PDE1A: variants seen among roughly 807,000 people sequenced by gnomAD.
PDE1A encodes dual specificity calcium/calmodulin-dependent 3',5'-cyclic nucleotide phosphodiesterase 1A.
A neutral mutation model predicts 61.7 loss-of-function variants in PDE1A; 35 were observed. The ratio of observed to expected loss-of-function variants is 0.57; its 90% CI spans 0.43 to 0.75. The LOEUF (loss-of-function observed/expected upper bound fraction) is 0.75, where lower values mean the gene tolerates loss of function less well. Among genes scored for constraint, PDE1A ranks in the 30% least tolerant of loss-of-function variants. The pLI is 0.00. For synonymous variants in PDE1A, 232 were observed against 213.2 expected (o/e 1.09, Z -0.77); for missense variants, 597 against 630.6 (o/e 0.95, Z 0.57).
intron 2 of PDE1A, among the ~76,000 whole-genome samples, chr2:182,514,873 C>T (rs1293293185): frequency 6.6e-6 from 1 of 152,036 alleles, no homozygotes; most frequent in Non-Finnish European, 1.5e-5. Context: ...TCAACAGAAT[C>T]AACAGAAAGT....
chr2:182,210,052 C>T (rs1687454922), intron 7 of PDE1A, among the ~76,000 whole-genome samples: 1 of 152,176 alleles, frequency 6.6e-6, no homozygotes, highest in Admixed American at 6.5e-5. Flanking sequence ...TACTGAAGGA[C>T]ATCTTGCTGG....
rs1256195819 is a variant in PDE1A at position 182,444,966 on chromosome 2, T to C, written c.101+77310A>G. 2.0e-5 allele frequency among the ~76,000 whole-genome samples: 3 copies of C among 152,134 alleles called. 1 individual carries two copies. Among genetic ancestry groups the C allele is most frequent in the South Asian group, 4.1e-4 (2 of 4,834 alleles). On this transcript the variant is annotated intron_variant, in intron 2 of 14. Coordinates refer to the PDE1A transcript ENST00000410103. ...TGAGATACACAAGTTAAACTTGGCATACTTTGGATCTGGGCCAAAAATTGT... is the reference window on the plus strand; with the variant it reads ...TGAGATACACAAGTTAAACTTGGCACACTTTGGATCTGGGCCAAAAATTGT...
intron 2 of PDE1A, among the ~76,000 whole-genome samples, chr2:182,247,393 G>C (rs1691053603): frequency 6.6e-6 from 1 of 152,140 alleles, no homozygotes; most frequent in Non-Finnish European, 1.5e-5. Flanking sequence ...AGTGTTCACA[G>C]GTTCATTAAG....
At chr2:182,340,412 G>T (rs753793256) in intron 1 of PDE1A, among the ~76,000 whole-genome samples, 5 of 152,134 alleles carry the variant, frequency 3.3e-5, no homozygotes, top group Non-Finnish European at 5.9e-5. Context: ...GCTATTTTGG[G>T]TTCCGACACC....
chr2:182,455,219 A>C (rs1046668522), intron 2 of PDE1A, among the ~76,000 whole-genome samples: 5 of 152,198 alleles, frequency 3.3e-5, no homozygotes, highest in South Asian at 2.1e-4. Flanking sequence ...ACCATCTCAC[A>C]CCAGTTAGAA....
intron 13 of PDE1A, among the ~76,000 whole-genome samples, chr2:182,168,775 G>T (rs962726123): frequency 3.9e-5 from 6 of 152,024 alleles, no homozygotes; most frequent in African/African-American, 1.4e-4. Context: ...ATAAAATCAT[G>T]TTTCCTTTTC....
At chr2:182,313,871 T>C (rs1696159081) in intron 1 of PDE1A, among the ~76,000 whole-genome samples, 1 of 152,168 alleles carries the variant, frequency 6.6e-6, no homozygotes, top group African/African-American at 2.4e-5. Flanking sequence ...GGGTAACTCA[T>C]TTAAAAAGAC....
Position 182,403,328 on chromosome 2 carries a change from G to A in PDE1A, c.53+23250C>T, listed in dbSNP as rs554756868. Among the ~76,000 whole-genome samples, 6 of 152,120 alleles carry A rather than the reference G, an allele frequency of 3.9e-5. No homozygotes were observed. The East Asian group carries it at 9.7e-4, about 25-fold the overall frequency. ...AAAATGTGGCACATAGGCCAGGCGC[G>A]GTGGCTCAAGCCTGTAATCCCAGCA... On this transcript the variant is annotated intron_variant, in intron 1 of 13. Coordinates refer to ENST00000351439, the Ensembl canonical transcript of PDE1A.
the PDE1A span, among the ~76,000 whole-genome samples, chr2:182,580,059 T>C: frequency 2.6e-5 from 4 of 152,256 alleles, no homozygotes; most frequent in African/African-American, 9.6e-5. Context: ...ACTCCTTTGA[T>C]AACTAAAATA....
chr2:182,164,308 A>G (rs905835274), downstream of PDE1A, among the ~76,000 whole-genome samples: 12 of 152,080 alleles, frequency 7.9e-5, no homozygotes, highest in Admixed American at 4.6e-4. Flanking sequence ...GGAGTTCCCT[A>G]CAATCAGTTG....
the PDE1A span, among the ~76,000 whole-genome samples, chr2:182,672,150 T>G: frequency 4.6e-5 from 7 of 152,230 alleles, no homozygotes; most frequent in African/African-American, 1.7e-4. Flanking sequence ...GAGGATGTAG[T>G]AGGTATTTTT....
the PDE1A span, among the ~76,000 whole-genome samples, chr2:182,683,009 C>G: frequency 4.6e-5 from 7 of 151,558 alleles, no homozygotes; most frequent in African/African-American, 1.7e-4. Context: ...TAAGAAAATG[C>G]AAATTTAGTG....
the PDE1A span, among the ~76,000 whole-genome samples, chr2:182,613,386 C>A: frequency 6.6e-6 from 1 of 151,980 alleles, no homozygotes; most frequent in Non-Finnish European, 1.5e-5. Flanking sequence ...CACGGTGAAA[C>A]CCCATCTCTA....
At chr2:182,636,104 C>T in the PDE1A span, among the ~76,000 whole-genome samples, 4 of 151,668 alleles carry the variant, frequency 2.6e-5, no homozygotes, top group South Asian at 2.1e-4. Flanking sequence ...TACAGGTGCC[C>T]GCCACCGTGC....
At chr2:182,561,697 G>T in the PDE1A span, among the ~76,000 whole-genome samples, 3,142 of 152,134 alleles carry the variant, frequency 0.021, 81 homozygotes, top group East Asian at 0.12. Flanking sequence ...AGCATGGAAT[G>T]TTCTTCCATT....
chr2:182,374,548 TAAG>T (rs1700286312), intron 1 of PDE1A, among the ~76,000 whole-genome samples: 1 of 152,066 alleles, frequency 6.6e-6, no homozygotes, highest in Admixed American at 6.6e-5. Flanking sequence ...AAAATTCAAG[TAAG>T]AATTAGAAGA....
chr2:182,623,554 G>A, the PDE1A span, among the ~76,000 whole-genome samples: 1 of 152,174 alleles, frequency 6.6e-6, no homozygotes, highest in South Asian at 2.1e-4. Context: ...ATTAGTGAAG[G>A]GACACTAGTG....
chr2:182,534,162 T>C, the PDE1A span, among the ~76,000 whole-genome samples: 3 of 152,042 alleles, frequency 2.0e-5, no homozygotes, highest in African/African-American at 4.8e-5. Context: ...AATTGTATTA[T>C]GCACAGTTTC....
At chr2:182,523,457 A>G (rs1690673825), upstream of PDE1A, among the ~76,000 whole-genome samples, 1 of 152,186 alleles carries the variant, frequency 6.6e-6, no homozygotes, top group East Asian at 1.9e-4. Flanking sequence ...ACAAGCACAG[A>G]CCTTAAGTAT....
Sources: gnomAD v4.1 joint callset for allele counts (sites outside exome capture counted in the v4.1 genomes callset) on GRCh38, gnomAD v4.1.1 for gene constraint, MANE v1.5 for transcripts, NCBI Gene and HGNC (gene_info 2026-07-23, HGNC 2026-07-21) for gene names.